SPTBN4: variants seen among roughly 807,000 people sequenced by gnomAD.
SPTBN4 encodes spectrin beta chain, non-erythrocytic 4.
A neutral mutation model predicts 277.8 loss-of-function variants in SPTBN4; 96 were observed. The ratio of observed to expected loss-of-function variants is 0.35; its 90% CI spans 0.29 to 0.41. The LOEUF (loss-of-function observed/expected upper bound fraction) is 0.41. Ranked by LOEUF, SPTBN4 falls within the 10% of genes least tolerant of loss-of-function variation. The pLI is 1.00. For missense variants in SPTBN4, 3,006 were observed against 3,595.7 expected, an observed-to-expected ratio of 0.84 and a Z score of 4.19; for synonymous variants, 1,481 against 1,580.3, an observed-to-expected ratio of 0.94 and a Z score of 1.49.
intron 3 of SPTBN4, 93 bp from the exon 4 acceptor site, chr19:40,489,982 C>A: frequency 1.5e-6 from 2 of 1,366,354 alleles, no homozygotes; most frequent in East Asian, 2.6e-5. Flanking sequence ...GGCGTGGCCA[C>A]GGGAGGCGGG....
At chr19:40,522,828 T>C (rs1308768672) in intron 16 of SPTBN4, among the ~76,000 whole-genome samples, 1 of 151,932 alleles carries the variant, frequency 6.6e-6, no homozygotes, top group Non-Finnish European at 1.5e-5. Flanking sequence ...GTACATGCTA[T>C]GAGAAATAAT....
At chr19:40,567,005 A>T (rs1236621790) in intron 30 of SPTBN4, 2 of 302,080 alleles carry the variant, frequency 6.6e-6, no homozygotes, top group Non-Finnish European at 1.4e-5. Context: ...AACCGCTTAA[A>T]GGCTGGGTGG....
chr19:40,567,177 C>T (rs1387345994), intron 30 of SPTBN4: 2 of 455,202 alleles, frequency 4.4e-6, no homozygotes, highest in Admixed American at 2.4e-5. Context: ...GCCTGTAGTC[C>T]CAGCTACTCA....
chr19:40,467,061 G>C lies in SPTBN4; in HGVS notation c.-260G>C, dbSNP rs1290739495. Among the ~76,000 whole-genome samples, 1 of 150,626 alleles carries C rather than the reference G, an allele frequency of 6.6e-6. No homozygotes were observed. Among genetic ancestry groups the C allele is most frequent in the Admixed American group, 6.6e-5 (1 of 15,114 alleles). ...CCGCGGCCGGGTGTGACTGCGCGTG[G>C]GCCTCGGGCGGCGGGGCGCGGGGAC... On this transcript the variant is annotated 5_prime_UTR_variant, in exon 1 of 36. Coordinates refer to ENST00000598249, the MANE Select transcript of SPTBN4 (RefSeq NM_020971.3).
intron 12 of SPTBN4, among the ~76,000 whole-genome samples, chr19:40,505,061 C>T (rs1362101369): frequency 2.0e-5 from 3 of 147,338 alleles, no homozygotes; most frequent in Admixed American, 6.8e-5. Flanking sequence ...AGAGAGAGAC[C>T]TACCAGATCT....
At chr19:40,553,827 G>A (rs959964351) in intron 22 of SPTBN4, among the ~76,000 whole-genome samples, 12 of 152,130 alleles carry the variant, frequency 7.9e-5, no homozygotes, top group Non-Finnish European at 1.6e-4. Flanking sequence ...GCCCATCTTG[G>A]GTCGGCAAGC....
At position 40,519,133 on chromosome 19, in the gene SPTBN4, G is replaced by C. The variant is rs2080493222; in HGVS notation, c.2904-268G>C. ...CTGGAAAACTCCACTGAACACTCGG[G>C]AAAGAATGAGAGTGAAAAAGCAAAT... is the stretch of plus-strand genomic sequence containing the variant. On this transcript the variant is annotated intron_variant, in intron 15 of 35. Transcript: ENST00000598249. This position sits in a 1 kb window ranked among gnomAD's most constrained non-coding sequence, Gnocchi z 5.7. 6.6e-6 allele frequency among the ~76,000 whole-genome samples: 1 copy of C among 152,198 alleles called. No individual in the cohort carries two copies. Among genetic ancestry groups the C allele is most frequent in the Admixed American group, 6.5e-5 (1 of 15,280 alleles).
At chr19:40,534,795 A>G (rs530778043) in intron 20 of SPTBN4, 76 of 165,766 alleles carry the variant, frequency 4.6e-4, no homozygotes, top group Non-Finnish European at 8.7e-4. Flanking sequence ...TGTTTTACCA[A>G]TGGGGAAACT....
At position 40,506,239 on chromosome 19, in the gene SPTBN4, C is replaced by T; in HGVS notation, c.1669C>T (p.Gln557Ter). Residue 557 changes from glutamine (Q) to a stop codon, truncating the protein, a stop_gained, in exon 13 of 36, where the codon CAG (glutamine) becomes TAG (stop). Transcript: ENST00000598249. LOFTEE classifies it high-confidence loss of function. Reference sequence around the variant, plus strand: ...TCAGTGCTGTCCCCGCTTGTAGGCTCAGCTGCTGTCCCGGGAGTGTGGGCA... The same window carrying T: ...TCAGTGCTGTCCCCGCTTGTAGGCTTAGCTGCTGTCCCGGGAGTGTGGGCA... Reference protein sequence around the residue: ...MVDWMEEMQAQLLSRECGQHL... With the variant: ...MVDWMEEMQA 6.2e-7 allele frequency: 1 copy of T among 1,610,718 alleles called. No homozygotes were observed. Among genetic ancestry groups the T allele is most frequent in the South Asian group, 1.1e-5 (1 of 90,420 alleles).
At chr19:40,498,818 C>T (rs899607730) in intron 7 of SPTBN4, among the ~76,000 whole-genome samples, 3 of 152,006 alleles carry the variant, frequency 2.0e-5, no homozygotes, top group African/African-American at 4.8e-5. Context: ...TCTCCCATCT[C>T]AGCCTCCCAA....
At chr19:40,504,869 T>A (rs2080307459) in intron 12 of SPTBN4, among the ~76,000 whole-genome samples, 2 of 147,854 alleles carry the variant, frequency 1.4e-5, no homozygotes. Context: ...AAGAGAGAAA[T>A]GAAAAAAGAC....
intron 33 of SPTBN4, chr19:40,570,971 G>T (rs770540839): frequency 4.1e-4 from 206 of 502,664 alleles, no homozygotes; most frequent in Non-Finnish European, 6.4e-4. Context: ...GGGGCCAGAT[G>T]AGGGGTGGGG....
At chr19:40,474,589 C>T (rs2079926153) in intron 2 of SPTBN4, among the ~76,000 whole-genome samples, 1 of 151,886 alleles carries the variant, frequency 6.6e-6, no homozygotes, top group Non-Finnish European at 1.5e-5. Context: ...GCCACCATGC[C>T]TGGCTAATTA....
At chr19:40,486,528 C>T (rs2080074313) in intron 2 of SPTBN4, among the ~76,000 whole-genome samples, 1 of 151,978 alleles carries the variant, frequency 6.6e-6, no homozygotes, top group South Asian at 2.1e-4. Context: ...TTCCACCCTG[C>T]CTGGCTAATT....
chr19:40,475,915 G>A (rs1003131969), intron 2 of SPTBN4, among the ~76,000 whole-genome samples: 5 of 151,918 alleles, frequency 3.3e-5, no homozygotes, highest in Non-Finnish European at 7.4e-5. Flanking sequence ...GTGTGGTGGC[G>A]CATGCCTGTA....
intron 20 of SPTBN4, among the ~76,000 whole-genome samples, chr19:40,541,494 G>A (rs1002240542): frequency 6.6e-6 from 1 of 152,314 alleles, no homozygotes; most frequent in East Asian, 1.9e-4. Flanking sequence ...GCTGTCCCCT[G>A]GGGCATACAC....
chr19:40,540,814 CAAAAAAAAAAA>C (rs58695945), intron 20 of SPTBN4, among the ~76,000 whole-genome samples: 5 of 79,322 alleles, frequency 6.3e-5, no homozygotes, highest in East Asian at 7.9e-4. Context: ...ACCCCCATCT[CAAAAAAAAAAA>C]AAAAAAAAAA....
At chr19:40,558,080 C>T (rs541890986) in intron 26 of SPTBN4, among the ~76,000 whole-genome samples, 29 of 151,798 alleles carry the variant, frequency 1.9e-4, no homozygotes, top group Non-Finnish European at 3.2e-4. Flanking sequence ...ACAGACAAGG[C>T]CAGGTGCGGT....
At chr19:40,501,233 C>T (rs1247988474) in intron 7 of SPTBN4, among the ~76,000 whole-genome samples, 1 of 147,712 alleles carries the variant, frequency 6.8e-6, no homozygotes, top group Non-Finnish European at 1.5e-5. Flanking sequence ...AGCCAGACTC[C>T]ATCTCTTGAA....
Sources: gnomAD v4.1 joint callset for allele counts (sites outside exome capture counted in the v4.1 genomes callset) on GRCh38, gnomAD v4.1.1 for gene constraint, Gnocchi (gnomAD v3.1) non-coding constraint, MANE v1.5 for transcripts, NCBI Gene and HGNC (gene_info 2026-07-23, HGNC 2026-07-21) for gene names.